The following KNOP1 variants were observed in gnomAD, a reference collection of about 807,000 sequenced individuals.
KNOP1 encodes lysine rich nucleolar protein 1.
In KNOP1, 20 loss-of-function variants were observed where a neutral mutation model predicts 30.6. That is an observed-to-expected ratio of 0.65 (90% CI 0.46 to 0.95). The LOEUF (loss-of-function observed/expected upper bound fraction) is 0.95. KNOP1 is among the 40% of genes least tolerant of loss of function. KNOP1 has a pLI of 0.00. For synonymous variants in KNOP1, 204 were observed against 210.0 expected (o/e 0.97, Z 0.25); for missense variants, 540 against 562.0 (o/e 0.96, Z 0.40).
At chr16:19,710,892 A>G (rs140468611) in intron 3 of KNOP1, among the ~76,000 whole-genome samples, 7,281 of 141,322 alleles carry the variant, frequency 0.052, 609 homozygotes, top group African/African-American at 0.19. Context: ...AGCCTGGGGG[A>G]CAGAGTGAGA....
At chr16:19,717,987 A>G (rs1362993741) in intron 1 of KNOP1, 171 bp downstream of exon 1, 48 of 1,300,894 alleles carry the variant, frequency 3.7e-5, no homozygotes, top group Non-Finnish European at 4.7e-5. Context: ...CTGAGGCGGG[A>G]AAACTTTCTG....
Position 19,714,856 on chromosome 16 carries a change from C to T in KNOP1, c.180G>A (p.Glu60=). The change falls in exon 2 of 5, where the codon GAG becomes GAA. Residue 60 remains glutamate (E), a synonymous_variant. Coordinates refer to ENST00000219837, the MANE Select transcript of KNOP1 (RefSeq NM_001012991.3). ...SKSVAHGQAP[E]MPLVKKKKKK... ...TCTTCTTTTTCTTCACTAGAGGCATCTCAGGTGCCTGCCCATGGGCCACAC... is the reference window on the plus strand; with the variant it reads ...TCTTCTTTTTCTTCACTAGAGGCATTTCAGGTGCCTGCCCATGGGCCACAC... The T allele has an allele frequency of 1.2e-6, 2 of 1,613,690 alleles. No homozygotes were observed. Among genetic ancestry groups the T allele is most frequent in the Non-Finnish European group, 1.7e-6 (2 of 1,179,938 alleles).
intron 1 of KNOP1, chr16:19,715,456 C>G (rs892475481): frequency 6.7e-6 from 1 of 149,852 alleles, no homozygotes; most frequent in Non-Finnish European, 1.5e-5. Context: ...GCTCTGTCAC[C>G]CAAGCTGGAA....
intron 2 of KNOP1, 43 bp from the exon 3 acceptor site, chr16:19,711,483 G>C (rs752296862): frequency 6.3e-7 from 1 of 1,587,252 alleles, no homozygotes; most frequent in South Asian, 1.1e-5. Context: ...AGTTTACAAT[G>C]AATGGCCTCT....
intron 4 of KNOP1, among the ~76,000 whole-genome samples, chr16:19,708,022 CCCCCACCTCCCCACAGG>C (rs1976507071): frequency 6.7e-6 from 1 of 149,546 alleles, no homozygotes; most frequent in Non-Finnish European, 1.5e-5. Context: ...CAGCACACCT[CCCCCACCTCCCCACAGG>C]GCGCACCTCC....
At chr16:19,717,833 G>A (rs994238721) in intron 1 of KNOP1, 30 of 1,034,020 alleles carry the variant, frequency 2.9e-5, no homozygotes, top group Non-Finnish European at 3.4e-5. Flanking sequence ...CAAAGCCTGT[G>A]CAGCAACACC....
In KNOP1 at chr16:19,714,980, T is replaced by G. The variant is rs765705295; in HGVS notation, c.56A>C (p.Lys19Thr). 7.5e-6 allele frequency: 12 copies of G among 1,589,456 alleles called. No individual in the cohort carries two copies. The highest frequency in any genetic ancestry group is 1.0e-5 in the Non-Finnish European group (12 of 1,172,754). The change falls in exon 2 of 5, where the codon AAG becomes ACG. Residue 19 changes from lysine (K) to threonine (T), a missense_variant. Coordinates refer to ENST00000219837, the MANE Select transcript of KNOP1 (RefSeq NM_001012991.3). ...DLGLPEKKKK[K>T]KVVKEPETRY... Reference sequence around the variant, plus strand: ...AGTCTCTGGTTCTTTGACCACTTTCTTCTTCTTTTTCTTCTCTGGGAGCCC... The same window carrying G: ...AGTCTCTGGTTCTTTGACCACTTTCGTCTTCTTTTTCTTCTCTGGGAGCCC...
chr16:19,710,669 GGGAAC>G, intron 3 of KNOP1, 83 bp from the exon 4 acceptor site: 1 of 1,159,724 alleles, frequency 8.6e-7, no homozygotes, highest in East Asian at 2.3e-5. Context: ...ACGGGGCTGG[GGGAAC>G]GGAACGTGGG....
rs761906213 is a variant in KNOP1, at chr16:19,714,729, C to T, written c.307G>A (p.Val103Met). 12 of 1,614,198 alleles carry T rather than the reference C, an allele frequency of 7.4e-6. No individual in the cohort carries two copies. Among genetic ancestry groups the T allele is most frequent in the Non-Finnish European group, 1.0e-5 (12 of 1,180,046 alleles). ...CTGAGGAACTCCAAGTGGCCAAACA[C>T]CTGCTTCCTGAGGCTGGGTGACTTC... ...TEKSPSLRKQ[V>M]FGHLEFLSGE... Residue 103 changes from valine (V) to methionine (M), a missense_variant, in exon 2 of 5, where the codon GTG becomes ATG. Physicochemically the swap from Val to Met is conservative, Grantham distance 21. Transcript: ENST00000219837.
chr16:19,714,480 C>T lies in KNOP1; in HGVS notation c.556G>A (p.Val186Met), dbSNP rs2151654280. 1.2e-6 allele frequency: 2 copies of T among 1,614,126 alleles called. No individual in the cohort carries two copies. Among genetic ancestry groups the T allele is most frequent in the East Asian group, 2.2e-5 (1 of 44,878 alleles). Residue 186 changes from valine (V) to methionine (M), a missense_variant, in exon 2 of 5, where the codon GTG (valine) becomes ATG (methionine). Transcript: ENST00000219837. ...EARDVGDTCSVGKKDEEQAAL... is the reference protein window; with the variant it reads ...EARDVGDTCSMGKKDEEQAAL... ...GCCTGTTCCTCATCCTTCTTCCCCA[C>T]TGAGCAAGTGTCCCCAACATCCCTG...
Position 19,706,791 on chromosome 16 carries a change from CT to C in KNOP1, c.*118del. 9.8e-7 allele frequency: 1 copy of C among 1,016,868 alleles called. No homozygotes were observed. Among genetic ancestry groups the C allele is most frequent in the South Asian group, 1.5e-5 (1 of 67,980 alleles). 63.0% of individuals were successfully genotyped at this position (1,016,868 alleles called of 1,614,324 possible). A position where few individuals can be genotyped will look rare whatever the true frequency, so the allele number is the denominator to read the frequency against. ...CTAAGCTTATGGGAGTTATTTATAT[CT>C]TACTGCTCGAGGTCCTCACCAAGAT... On this transcript the variant is annotated 3_prime_UTR_variant, in exon 5 of 5. Transcript: ENST00000219837.
rs1976401661 is a variant in KNOP1, at chr16:19,707,037, T to G, written c.1250A>C (p.Gln417Pro). 1.2e-6 allele frequency: 2 copies of G among 1,614,172 alleles called. No homozygotes were observed. Among genetic ancestry groups the G allele is most frequent in the East Asian group, 4.5e-5 (2 of 44,874 alleles). Residue 417 changes from glutamine to proline, a missense_variant, in exon 5 of 5, where the codon CAG (glutamine) becomes CCG (proline). Gln to Pro is a moderately conservative substitution (Grantham distance 76). Transcript: ENST00000219837. ...GCTCATGGCCCGGTCGTAGTCCCGC[T>G]GCAGATTCTGCTGCAGGCTGTCAGC... ...KAADSLQQNL[Q>P]RDYDRAMSWK... is the part of the protein sequence containing the mutation.
At position 19,707,115 on chromosome 16, in the gene KNOP1, CTGAACGA is replaced by C; in HGVS notation, c.1165_1171del (p.Ser389AlafsTer34). 1 of 1,614,108 alleles carries C rather than the reference CTGAACGA, an allele frequency of 6.2e-7. No homozygotes were observed. The highest frequency in any genetic ancestry group is 1.1e-5 in the South Asian group (1 of 91,078). On this transcript the variant is annotated frameshift_variant, in exon 5 of 5. Transcript: ENST00000219837. LOFTEE classifies it low-confidence loss of function (END_TRUNC). ...CCTTGCAATCGTGCTGGCGGGGCGG[CTGAACGA>C]AGGGGACAGGTTTTTGAAGCCACCC...
chr16:19,709,320 C>T (rs978591241), intron 4 of KNOP1, among the ~76,000 whole-genome samples: 17 of 152,228 alleles, frequency 1.1e-4, no homozygotes, highest in Admixed American at 9.2e-4. Context: ...AGGCCAGCAT[C>T]GCTGGTCACC....
At chr16:19,708,597 CT>C (rs1305577723) in intron 4 of KNOP1, among the ~76,000 whole-genome samples, 1 of 152,178 alleles carries the variant, frequency 6.6e-6, no homozygotes, top group Non-Finnish European at 1.5e-5. Flanking sequence ...TCCTCTCCCC[CT>C]ACCCCAACCA....
chr16:19,705,187 G>A lies in KNOP1; in HGVS notation c.*1723C>T. 1 of 456,076 alleles carries A rather than the reference G, an allele frequency of 2.2e-6. No individual in the cohort carries two copies. Among genetic ancestry groups the A allele is most frequent in the East Asian group, 7.0e-5 (1 of 14,386 alleles). The allele number at this position is 456,076 out of a possible 1,614,324, so 28.3% of individuals were successfully genotyped here. On this transcript the variant is annotated 3_prime_UTR_variant, in exon 5 of 5. Coordinates refer to ENST00000219837, the MANE Select transcript of KNOP1 (RefSeq NM_001012991.3). ...CCTTGATGAAGCCAACACTGGAGAT[G>A]ATGGAGAGAATGCTTCCTTGGCGAG...
intron 1 of KNOP1, chr16:19,717,510 G>A: frequency 1.0e-6 from 1 of 985,344 alleles, no homozygotes; most frequent in Non-Finnish European, 1.2e-6. Context: ...GAATCCACCG[G>A]GAGGTTGCGG....
chr16:19,715,893 C>G (rs1977034563), intron 1 of KNOP1, among the ~76,000 whole-genome samples: 1 of 152,196 alleles, frequency 6.6e-6, no homozygotes, highest in African/African-American at 2.4e-5. Flanking sequence ...TGCTCTCACT[C>G]CAGTCCCCAG....
intron 1 of KNOP1, among the ~76,000 whole-genome samples, chr16:19,717,085 C>T (rs1375637810): frequency 1.3e-5 from 2 of 151,746 alleles, no homozygotes; most frequent in African/African-American, 4.8e-5. Context: ...TCAGGTGATC[C>T]GCCCGCCTCA....
Sources: gnomAD v4.1 joint callset for allele counts (sites outside exome capture counted in the v4.1 genomes callset) on GRCh38, gnomAD v4.1.1 for gene constraint, MANE v1.5 for transcripts, NCBI Gene and HGNC (gene_info 2026-07-23, HGNC 2026-07-21) for gene names.